ANK2: variants seen among roughly 807,000 people sequenced by gnomAD.
The protein encoded by ANK2 is ankyrin-2.
In ANK2, 83 loss-of-function variants were observed where a neutral mutation model predicts 360.5. That is an observed-to-expected ratio of 0.23 (90% confidence interval 0.19 to 0.28). The LOEUF (loss-of-function observed/expected upper bound fraction) is 0.28. ANK2 is among the 10% of genes least tolerant of loss of function. The probability of loss-of-function intolerance (pLI) is 1.00; values close to 1 mark genes in which losing one functional copy is unlikely to be tolerated. For missense variants in ANK2, 4,201 were observed against 4,795.7 expected (o/e 0.88, Z 3.66); for synonymous variants, 1,740 against 1,759.5 (o/e 0.99, Z 0.28).
At chr4:112,856,323 T>C (rs1386887527) in intron 1 of ANK2, among the ~76,000 whole-genome samples, 3 of 152,192 alleles carry the variant, frequency 2.0e-5, no homozygotes, top group Non-Finnish European at 4.4e-5. Flanking sequence ...TTTAATAAAA[T>C]AAATTTTATT....
chr4:113,086,601 G>C (rs2084908727), intron 1 of ANK2, among the ~76,000 whole-genome samples: 1 of 152,082 alleles, frequency 6.6e-6, no homozygotes. Context: ...TAAGCCAACA[G>C]GTAGATAATG....
At chr4:113,331,286 G>A (rs1284420401) in intron 27 of ANK2, among the ~76,000 whole-genome samples, 2 of 152,134 alleles carry the variant, frequency 1.3e-5, no homozygotes, top group Admixed American at 6.6e-5. Flanking sequence ...TTACTTTGCC[G>A]ATGTCATATT....
chr4:113,273,563 A>G (rs2059245682), intron 14 of ANK2, among the ~76,000 whole-genome samples: 1 of 152,206 alleles, frequency 6.6e-6, no homozygotes, highest in Admixed American at 6.5e-5. Context: ...CCTGAAAGTC[A>G]GCCCAGTTTT....
At chr4:113,018,108 A>G (rs1425807193) in intron 2 of ANK2, among the ~76,000 whole-genome samples, 1 of 152,254 alleles carries the variant, frequency 6.6e-6, no homozygotes, top group Non-Finnish European at 1.5e-5. Context: ...TAGATTTTTA[A>G]AGAGCTTTAG....
At chr4:112,811,353 T>C in the ANK2 span, among the ~76,000 whole-genome samples, 1 of 152,214 alleles carries the variant, frequency 6.6e-6, no homozygotes, top group Non-Finnish European at 1.5e-5. Context: ...AGACTGGAAA[T>C]TTTGATCTAA....
chr4:112,998,622 A>ATAT (rs1304909498), intron 2 of ANK2, among the ~76,000 whole-genome samples: 2 of 152,176 alleles, frequency 1.3e-5, no homozygotes, highest in South Asian at 4.1e-4. Context: ...GGTTCATGAG[A>ATAT]TATTAATAGG....
At chr4:113,103,183 C>G (rs2093158485) in intron 1 of ANK2, among the ~76,000 whole-genome samples, 1 of 152,100 alleles carries the variant, frequency 6.6e-6, no homozygotes, top group African/African-American at 2.4e-5. Context: ...GCTTTCTTTG[C>G]AACTTAATTT....
At chr4:112,758,721 G>A in the ANK2 span, among the ~76,000 whole-genome samples, 2 of 152,154 alleles carry the variant, frequency 1.3e-5, no homozygotes, top group African/African-American at 4.8e-5. Flanking sequence ...GGCACAAAAT[G>A]CTTTCTAATC....
chr4:112,714,038 G>A, the ANK2 span, among the ~76,000 whole-genome samples: 9 of 151,890 alleles, frequency 5.9e-5, no homozygotes, highest in East Asian at 1.9e-4. Context: ...ATTGCTCTGC[G>A]TCCTTGTCAA....
the ANK2 span, among the ~76,000 whole-genome samples, chr4:112,725,297 A>C: frequency 6.6e-6 from 1 of 150,548 alleles, no homozygotes; most frequent in Non-Finnish European, 1.5e-5. Flanking sequence ...AAAAAAAAAA[A>C]AAAAACAGGA....
intron 1 of ANK2, among the ~76,000 whole-genome samples, chr4:113,082,302 T>G (rs1292817654): frequency 3.3e-5 from 5 of 151,826 alleles, no homozygotes; most frequent in Non-Finnish European, 5.9e-5. Context: ...TTCAAACTTG[T>G]TTTTTTTCCC....
intron 4 of ANK2, among the ~76,000 whole-genome samples, chr4:113,226,224 A>C: frequency 6.6e-6 from 1 of 152,190 alleles, no homozygotes; most frequent in East Asian, 1.9e-4. Flanking sequence ...TTTAAAAATC[A>C]AATGTGTCTG....
chr4:112,829,267 G>A (rs769168816), intron 1 of ANK2, among the ~76,000 whole-genome samples: 14 of 152,096 alleles, frequency 9.2e-5, no homozygotes, highest in Admixed American at 2.0e-4. Flanking sequence ...AGAGTAGAGT[G>A]TTTAAGTCCT....
chr4:113,164,113 G>T (rs1019308604), intron 1 of ANK2, among the ~76,000 whole-genome samples: 2 of 152,060 alleles, frequency 1.3e-5, no homozygotes, highest in Non-Finnish European at 2.9e-5. Flanking sequence ...TAATAAAAGG[G>T]ACTAGGCTGG....
intron 2 of ANK2, among the ~76,000 whole-genome samples, chr4:113,181,007 C>A (rs1465733108): frequency 6.6e-6 from 1 of 152,100 alleles, no homozygotes; most frequent in Non-Finnish European, 1.5e-5. Flanking sequence ...TTGAGTAACA[C>A]CTGTCTAATA....
the ANK2 span, among the ~76,000 whole-genome samples, chr4:112,708,089 T>C: frequency 6.6e-6 from 1 of 152,232 alleles, no homozygotes; most frequent in African/African-American, 2.4e-5. Flanking sequence ...TGACAACCTC[T>C]GGCTGCAGAA....
chr4:113,070,885 C>T (rs148181462), intron 1 of ANK2, among the ~76,000 whole-genome samples: 7 of 151,998 alleles, frequency 4.6e-5, no homozygotes, highest in African/African-American at 9.6e-5. Context: ...AATAAGCCCC[C>T]GAGACATTCA....
the ANK2 span, among the ~76,000 whole-genome samples, chr4:112,725,850 G>A: frequency 6.6e-5 from 10 of 151,932 alleles, no homozygotes; most frequent in African/African-American, 2.2e-4. Flanking sequence ...TCGAAGATTG[G>A]TAGCACAACA....
chr4:112,898,446 T>C (rs937044164), intron 1 of ANK2, among the ~76,000 whole-genome samples: 3 of 152,148 alleles, frequency 2.0e-5, no homozygotes, highest in African/African-American at 7.2e-5. Context: ...TGTCTGATGA[T>C]TTTCTCATAA....
Sources: gnomAD v4.1 joint callset for allele counts (sites outside exome capture counted in the v4.1 genomes callset) on GRCh38, gnomAD v4.1.1 for gene constraint, MANE v1.5 for transcripts, NCBI Gene and HGNC (gene_info 2026-07-23, HGNC 2026-07-21) for gene names.